LRP1B: variants seen among roughly 807,000 people sequenced by gnomAD.
LRP1B encodes low-density lipoprotein receptor-related protein 1B.
A neutral mutation model predicts 556.6 loss-of-function variants in LRP1B; 217 were observed. The ratio of observed to expected loss-of-function variants is 0.39; its 90% CI spans 0.35 to 0.44. The LOEUF (loss-of-function observed/expected upper bound fraction) is 0.44. Ranked by LOEUF, LRP1B falls within the 20% of genes least tolerant of loss-of-function variation. The pLI, the probability that LRP1B is intolerant of heterozygous loss-of-function variation, is 1.00. For synonymous variants in LRP1B, 2,047 were observed against 1,865.8 expected, an observed-to-expected ratio of 1.10 and a Z score of -2.50; for missense variants, 5,053 against 5,620.8, an observed-to-expected ratio of 0.90 and a Z score of 3.23.
intron 29 of LRP1B, among the ~76,000 whole-genome samples, chr2:140,845,561 C>A (rs1403898445): frequency 6.6e-6 from 1 of 150,592 alleles, no homozygotes; most frequent in African/African-American, 2.4e-5. Flanking sequence ...GAAAAAAAAA[C>A]AAAAGGTCCA....
At chr2:140,494,009 T>A (rs1688811127) in intron 56 of LRP1B, among the ~76,000 whole-genome samples, 1 of 151,724 alleles carries the variant, frequency 6.6e-6, no homozygotes, top group Admixed American at 6.5e-5. Flanking sequence ...ATAAAATTAA[T>A]CAGTCATGTT....
intron 66 of LRP1B, among the ~76,000 whole-genome samples, chr2:140,438,971 C>T (rs1001348172): frequency 1.3e-4 from 20 of 152,084 alleles, no homozygotes; most frequent in Admixed American, 3.3e-4. Flanking sequence ...ATTTTAGAGG[C>T]ATTCAGAGAA....
intron 2 of LRP1B, among the ~76,000 whole-genome samples, chr2:141,808,379 G>A (rs1283699116): frequency 6.6e-6 from 1 of 152,066 alleles, no homozygotes; most frequent in Non-Finnish European, 1.5e-5. Flanking sequence ...GTCTTTCCTT[G>A]TAGCTAAAGA....
chr2:140,973,055 T>G (rs1696482293), intron 18 of LRP1B, among the ~76,000 whole-genome samples: 1 of 8,032 alleles, frequency 1.2e-4, no homozygotes, highest in Admixed American at 1.8e-3. Context: ...TTTCATTTTA[T>G]ATATATATAT....
chr2:141,532,597 G>A (rs1053232565), intron 2 of LRP1B, among the ~76,000 whole-genome samples: 1 of 151,826 alleles, frequency 6.6e-6, no homozygotes, highest in Non-Finnish European at 1.5e-5. Context: ...ACAAGGATGG[G>A]TTGTTCATAT....
chr2:140,251,392 G>A (rs575532780), intron 86 of LRP1B, among the ~76,000 whole-genome samples: 3 of 151,828 alleles, frequency 2.0e-5, no homozygotes, highest in Admixed American at 6.6e-5. Context: ...TGTCCTTCCC[G>A]TAACAATGAT....
chr2:141,393,098 A>G (rs1690114361), intron 3 of LRP1B, among the ~76,000 whole-genome samples: 2 of 152,176 alleles, frequency 1.3e-5, no homozygotes, highest in South Asian at 4.1e-4. Context: ...ATGGCCAAAC[A>G]CTAGACAAGA....
intron 85 of LRP1B, 54 bp downstream of exon 85, chr2:140,274,370 C>T (rs369221951): frequency 6.8e-7 from 1 of 1,464,816 alleles, no homozygotes; most frequent in Non-Finnish European, 9.6e-7. Context: ...TACTGAACTG[C>T]AATGTCCATT....
At chr2:141,431,484 GTATAAACATTTT>G (rs1680562250) in intron 3 of LRP1B, among the ~76,000 whole-genome samples, 1 of 152,120 alleles carries the variant, frequency 6.6e-6, no homozygotes, top group East Asian at 1.9e-4. Context: ...CCTTGCAACT[GTATAAACATTTT>G]TATCATCTGC....
intron 43 of LRP1B, among the ~76,000 whole-genome samples, chr2:140,569,149 G>A (rs537904610): frequency 6.6e-6 from 1 of 151,900 alleles, no homozygotes; most frequent in East Asian, 1.9e-4. Flanking sequence ...ATAATAAGAG[G>A]TGGATAAAGG....
intron 3 of LRP1B, among the ~76,000 whole-genome samples, chr2:141,348,255 G>A (rs1263581012): frequency 6.6e-6 from 1 of 152,006 alleles, no homozygotes; most frequent in African/African-American, 2.4e-5. Context: ...CGCCAGTTAG[G>A]TGAAGAGAGG....
intron 1 of LRP1B, among the ~76,000 whole-genome samples, chr2:141,863,972 C>A (rs1158857102): frequency 6.6e-6 from 1 of 152,094 alleles, no homozygotes; most frequent in Non-Finnish European, 1.5e-5. Context: ...TTGATGTAAT[C>A]TGATGTAAGC....
At chr2:141,625,322 CAAT>C (rs1448024361) in intron 2 of LRP1B, among the ~76,000 whole-genome samples, 1 of 151,970 alleles carries the variant, frequency 6.6e-6, no homozygotes, top group African/African-American at 2.4e-5. Flanking sequence ...ATATTATACT[CAAT>C]GATAGGGTAT....
chr2:141,904,230 G>A (rs1440789340), intron 1 of LRP1B, among the ~76,000 whole-genome samples: 1 of 151,876 alleles, frequency 6.6e-6, no homozygotes, highest in Non-Finnish European at 1.5e-5. Context: ...ACAGTTGGGA[G>A]GCTGTTTATG....
At chr2:142,089,527 A>G (rs1399370801) in intron 1 of LRP1B, among the ~76,000 whole-genome samples, 1 of 152,220 alleles carries the variant, frequency 6.6e-6, no homozygotes, top group African/African-American at 2.4e-5. Context: ...GAACAAACAC[A>G]AACAGGCCAG....
intron 21 of LRP1B, among the ~76,000 whole-genome samples, chr2:140,908,904 A>G (rs1286963258): frequency 6.6e-6 from 1 of 152,124 alleles, no homozygotes; most frequent in Non-Finnish European, 1.5e-5. Flanking sequence ...GGTTCAAGCA[A>G]TTCTCCTGCC....
intron 20 of LRP1B, among the ~76,000 whole-genome samples, chr2:140,940,858 A>C (rs778553460): frequency 1.2e-4 from 19 of 152,146 alleles, no homozygotes; most frequent in African/African-American, 3.9e-4. Flanking sequence ...TGTCTTCCAC[A>C]ATGTTTGAAC....
At chr2:141,626,826 G>A (rs1688717415) in intron 2 of LRP1B, among the ~76,000 whole-genome samples, 1 of 152,232 alleles carries the variant, frequency 6.6e-6, no homozygotes, top group Admixed American at 6.5e-5. Flanking sequence ...GCGGAGCAAT[G>A]ATTGAGAATT....
At chr2:141,010,907 A>T (rs915837399) in intron 14 of LRP1B, among the ~76,000 whole-genome samples, 1 of 151,316 alleles carries the variant, frequency 6.6e-6, no homozygotes, top group Non-Finnish European at 1.5e-5. Context: ...TATAAATTAC[A>T]TTATTAGCAT....
Sources: allele counts gnomAD v4.1 joint callset (sites outside exome capture counted in the v4.1 genomes callset), GRCh38; gene constraint gnomAD v4.1.1; transcripts MANE v1.5; gene names NCBI Gene and HGNC (gene_info 2026-07-23, HGNC 2026-07-21).